CEP57L1: variants seen among roughly 807,000 people sequenced by gnomAD.
CEP57L1 encodes the protein centrosomal protein 57 like 1, also known as centrosomal protein CEP57L1.
In CEP57L1, 37 loss-of-function variants were observed where a neutral mutation model predicts 61.0. The ratio of observed to expected loss-of-function variants is 0.61; its 90% CI spans 0.47 to 0.80. The LOEUF (loss-of-function observed/expected upper bound fraction) is 0.80. Ranked by LOEUF, CEP57L1 falls within the 30% of genes least tolerant of loss-of-function variation. The pLI is 0.00. For synonymous variants in CEP57L1, 137 were observed against 162.3 expected (o/e 0.84, Z 1.19); for missense variants, 422 against 524.7 (o/e 0.80, Z 1.91).
chr6:109,113,147 T>C lies in CEP57L1; in HGVS notation c.-4+17572T>C, dbSNP rs183906700. Among the ~76,000 whole-genome samples the C allele has an allele frequency of 4.1e-3, 619 of 152,260 alleles. 1 individual carries two copies. Among genetic ancestry groups the C allele is most frequent in the Non-Finnish European group, 7.2e-3 (487 of 68,010 alleles). On this transcript the variant is annotated intron_variant, in intron 1 of 10. Coordinates refer to ENST00000517392, the MANE Select transcript of CEP57L1 (RefSeq NM_001271852.3). ...CACTGTTATTGTGTGGGAGTCTAAG[T>C]CTCTTTGTAGGTCTCTAAGAACTTG...
intron 1 of CEP57L1, among the ~76,000 whole-genome samples, chr6:109,112,933 T>C (rs1006159340): frequency 4.6e-5 from 7 of 152,210 alleles, no homozygotes; most frequent in Non-Finnish European, 1.0e-4. Context: ...CTTCCAATTA[T>C]GTGGTCAATT....
intron 4 of CEP57L1, among the ~76,000 whole-genome samples, chr6:109,152,684 ACTTTC>A (rs757729366): frequency 2.1e-5 from 3 of 141,336 alleles, no homozygotes; most frequent in Non-Finnish European, 3.1e-5. Context: ...TGTGTGTATA[ACTTTC>A]CTTTTCTCTG....
rs540582462 is a variant in CEP57L1, at chr6:109,096,172, A to AT, written c.-4+600dup. 6.5e-3 allele frequency among the ~76,000 whole-genome samples: 994 copies of AT among 152,316 alleles called. 14 individuals are homozygous for AT. Among genetic ancestry groups the AT allele is most frequent in the African/African-American group, 0.023 (945 of 41,570 alleles). ...ATTAGTTTGCTTTTAAAAAGTTATT[A>AT]TTTGAGAAAAGTCGAGGTTTGAACG... On this transcript the variant is annotated intron_variant, in intron 1 of 10. Transcript: ENST00000517392.
intron 5 of CEP57L1, 109 bp downstream of exon 5, chr6:109,154,058 C>T: frequency 1.5e-6 from 1 of 672,700 alleles, no homozygotes; most frequent in South Asian, 2.0e-5. Flanking sequence ...ACTTCATTTA[C>T]AACTTTTTAT....
rs72093696 is a variant in CEP57L1, at chr6:109,168,590, A to ATT, written c.*5641_*5642dup. 2.5e-3 allele frequency among the ~76,000 whole-genome samples: 284 copies of ATT among 111,974 alleles called. No individual in the cohort carries two copies. Among genetic ancestry groups the ATT allele is most frequent in the African/African-American group, 3.8e-3 (110 of 29,006 alleles). 73.5% of individuals were successfully genotyped at this position (111,974 alleles called of 152,430 possible). ...ATCAATTTAGCGGGTCACTACCAGC[A>ATT]TTTTTTTTTTTTTTTTTTTTTTGAG... On this transcript the variant is annotated 3_prime_UTR_variant, in exon 11 of 11. Transcript: ENST00000517392.
intron 1 of CEP57L1, among the ~76,000 whole-genome samples, chr6:109,142,567 T>C (rs1368613505): frequency 2.0e-5 from 3 of 152,108 alleles, no homozygotes; most frequent in African/African-American, 7.2e-5. Context: ...TGTATTCCAT[T>C]TTTTGTTTGT....
At chr6:109,124,772 A>G (rs1174080472) in intron 1 of CEP57L1, among the ~76,000 whole-genome samples, 1 of 152,152 alleles carries the variant, frequency 6.6e-6, no homozygotes, top group Non-Finnish European at 1.5e-5. Context: ...AGTACCAAGT[A>G]TTCACCCTTC....
At chr6:109,136,794 C>T (rs1008385580) in intron 1 of CEP57L1, among the ~76,000 whole-genome samples, 6 of 150,276 alleles carry the variant, frequency 4.0e-5, no homozygotes, top group Admixed American at 6.7e-5. Flanking sequence ...TTTGCTCTGT[C>T]GCCCAGGCTA....
At chr6:109,136,328 G>C (rs1188699872) in intron 1 of CEP57L1, among the ~76,000 whole-genome samples, 10 of 152,050 alleles carry the variant, frequency 6.6e-5, no homozygotes, top group African/African-American at 9.7e-5. Context: ...AAAAACCAAA[G>C]ACCGCATGTT....
chr6:109,104,655 C>T (rs1334856835), intron 1 of CEP57L1, among the ~76,000 whole-genome samples: 3 of 152,140 alleles, frequency 2.0e-5, no homozygotes, highest in Non-Finnish European at 4.4e-5. Context: ...AATCACAGCC[C>T]ACTGCAAGCC....
chr6:109,127,545 T>C (rs187494544), intron 1 of CEP57L1, among the ~76,000 whole-genome samples: 1 of 152,144 alleles, frequency 6.6e-6, no homozygotes, highest in Admixed American at 6.5e-5. Flanking sequence ...TCCTTTTTTT[T>C]AATCTCCTTT....
chr6:109,123,841 G>A (rs1455437442), intron 1 of CEP57L1, among the ~76,000 whole-genome samples: 1 of 152,088 alleles, frequency 6.6e-6, no homozygotes, highest in African/African-American at 2.4e-5. Flanking sequence ...GGCCAAGGCG[G>A]GCAGATCACC....
At chr6:109,145,972 TAATA>T (rs1246264438) in intron 2 of CEP57L1, among the ~76,000 whole-genome samples, 1 of 151,956 alleles carries the variant, frequency 6.6e-6, no homozygotes, top group African/African-American at 2.4e-5. Flanking sequence ...TGGTTGCTGT[TAATA>T]AATAAACTAG....
chr6:109,120,111 G>T lies in CEP57L1; in HGVS notation c.-4+24536G>T, dbSNP rs191369860. ...CATTACATATAATTGTCTTAAACAGGTAGTCATATTATTCCCATTTTATAG... is the reference window on the plus strand; with the variant it reads ...CATTACATATAATTGTCTTAAACAGTTAGTCATATTATTCCCATTTTATAG... On this transcript the variant is annotated intron_variant, in intron 1 of 10. Coordinates refer to ENST00000517392, the MANE Select transcript of CEP57L1 (RefSeq NM_001271852.3). Among the ~76,000 whole-genome samples, 92 of 152,252 alleles carry T rather than the reference G, an allele frequency of 6.0e-4. 1 individual carries two copies. The highest frequency in any genetic ancestry group is 3.4e-3 in the Middle Eastern group (1 of 294).
intron 1 of CEP57L1, among the ~76,000 whole-genome samples, chr6:109,098,581 C>T (rs554262127): frequency 1.3e-4 from 20 of 152,120 alleles, no homozygotes; most frequent in East Asian, 3.9e-4. Flanking sequence ...ACTACAGGCA[C>T]GTGCCAACAA....
At chr6:109,122,814 A>G (rs1416886856) in intron 1 of CEP57L1, among the ~76,000 whole-genome samples, 2 of 152,112 alleles carry the variant, frequency 1.3e-5, no homozygotes, top group Non-Finnish European at 2.9e-5. Flanking sequence ...CTCAAAAGAA[A>G]AAAAAAGACT....
intron 1 of CEP57L1, chr6:109,129,483 C>G (rs1773945310): frequency 2.1e-6 from 1 of 482,392 alleles, no homozygotes; most frequent in African/African-American, 2.0e-5. Context: ...TCTGATCTTC[C>G]CAGATGAAGG....
intron 1 of CEP57L1, among the ~76,000 whole-genome samples, chr6:109,108,988 T>A (rs1771251479): frequency 6.6e-6 from 1 of 152,214 alleles, no homozygotes; most frequent in African/African-American, 2.4e-5. Context: ...TAACTTGTTT[T>A]TAATAGGAGA....
At position 109,162,970 on chromosome 6, in the gene CEP57L1, A is replaced by G. The variant is rs1773856620; in HGVS notation, c.1383A>G (p.Ter461=). The change falls in exon 11 of 11, where the codon TAA becomes TAG. Residue 461 remains the stop codon, a stop_retained_variant. Transcript: ENST00000517392. Reference sequence around the variant, plus strand: ...GAGATGATATCATGTGGGAACAGTAACAAAACAGCAAAACTGTCACCTTAA... The same window carrying G: ...GAGATGATATCATGTGGGAACAGTAGCAAAACAGCAAAACTGTCACCTTAA... ...LRRDDIMWEQ[*] The G allele has an allele frequency of 6.3e-7, 1 of 1,594,228 alleles. No individual in the cohort carries two copies. The highest frequency in any genetic ancestry group is 1.1e-5 in the South Asian group (1 of 90,374).
Sources: allele counts gnomAD v4.1 joint callset (sites outside exome capture counted in the v4.1 genomes callset), GRCh38; gene constraint gnomAD v4.1.1; transcripts MANE v1.5; gene names NCBI Gene and HGNC (gene_info 2026-07-23, HGNC 2026-07-21).